The following LAMB3 variants were observed in gnomAD, a reference collection of about 807,000 sequenced individuals.
LAMB3 encodes the protein laminin subunit beta 3, also known as laminin subunit beta-3.
LAMB3 carries 104 observed loss-of-function variants against 140.3 expected under a neutral mutation model. That is an observed-to-expected ratio of 0.74 (90% CI 0.63 to 0.87). The LOEUF (loss-of-function observed/expected upper bound fraction) is 0.87, where lower values mean the gene tolerates loss of function less well. Among genes scored for constraint, LAMB3 ranks in the 40% least tolerant of loss-of-function variants. The pLI is 0.00. For synonymous variants in LAMB3, 592 were observed against 602.9 expected (o/e 0.98, Z 0.26); for missense variants, 1,531 against 1,575.2 (o/e 0.97, Z 0.47).
intron 3 of LAMB3, among the ~76,000 whole-genome samples, chr1:209,639,275 T>G (rs2076442343): frequency 6.6e-6 from 1 of 152,206 alleles, no homozygotes; most frequent in Non-Finnish European, 1.5e-5. Context: ...TGTGCCAGAC[T>G]CTACTCTGGG....
chr1:209,630,847 C>G, intron 8 of LAMB3, 112 bp from the exon 9 acceptor site: 1 of 1,239,152 alleles, frequency 8.1e-7, no homozygotes, highest in Non-Finnish European at 1.1e-6. Context: ...TGGCTTAGAT[C>G]CCAACCCTTC....
intron 18 of LAMB3, among the ~76,000 whole-genome samples, chr1:209,620,084 CT>C (rs1666132430): frequency 6.6e-6 from 1 of 152,336 alleles, no homozygotes; most frequent in East Asian, 1.9e-4. Context: ...AGATCTTGCC[CT>C]TCCTTTACTC....
At chr1:209,618,099 A>G (rs986884762) in intron 19 of LAMB3, 51 bp from the exon 20 acceptor site, 2 of 1,610,242 alleles carry the variant, frequency 1.2e-6, no homozygotes, top group Non-Finnish European at 1.7e-6. Flanking sequence ...GTGAACAGTG[A>G]ATCAATGTGT....
intron 3 of LAMB3, among the ~76,000 whole-genome samples, chr1:209,641,369 A>G (rs1357450890): frequency 1.3e-5 from 2 of 152,140 alleles, no homozygotes; most frequent in Non-Finnish European, 2.9e-5. Context: ...ATCTCACAAT[A>G]ACCCTACATG....
At chr1:209,627,115 C>CA (rs1488771016) in intron 12 of LAMB3, 137 bp from the exon 13 acceptor site, 7 of 766,946 alleles carry the variant, frequency 9.1e-6, no homozygotes, top group East Asian at 5.3e-5. Context: ...GCTGTGCCCA[C>CA]AAAACAAGGG....
chr1:209,648,425 C>G (rs1028006458), intron 3 of LAMB3, among the ~76,000 whole-genome samples: 3 of 152,126 alleles, frequency 2.0e-5, no homozygotes, highest in African/African-American at 7.2e-5. Context: ...AATTTATTCC[C>G]CCTTAGAAAA....
chr1:209,615,890 G>T (rs1458289755), intron 22 of LAMB3, among the ~76,000 whole-genome samples: 1 of 152,106 alleles, frequency 6.6e-6, no homozygotes, highest in Non-Finnish European at 1.5e-5. Context: ...CCAGGCACAG[G>T]GACAAGTCAT....
At chr1:209,648,635 G>T (rs182599837) in intron 3 of LAMB3, among the ~76,000 whole-genome samples, 35 of 152,216 alleles carry the variant, frequency 2.3e-4, no homozygotes, top group Non-Finnish European at 4.1e-4. Context: ...TAAGCCAAAA[G>T]CCCCAGGCCT....
At chr1:209,617,666 A>G in intron 20 of LAMB3, 80 bp from the exon 21 acceptor site, 16 of 1,529,860 alleles carry the variant, frequency 1.0e-5, no homozygotes, top group Non-Finnish European at 1.3e-5. Context: ...TCTCCAACTC[A>G]TCAGGCAGCA....
intron 5 of LAMB3, among the ~76,000 whole-genome samples, chr1:209,636,740 C>T (rs1666907181): frequency 6.6e-6 from 1 of 152,190 alleles, no homozygotes; most frequent in South Asian, 2.1e-4. Flanking sequence ...ATTGCCCTTC[C>T]CCTGGCCATT....
chr1:209,616,333 T>C (rs945590359), intron 22 of LAMB3, 138 bp downstream of exon 22: 3 of 985,516 alleles, frequency 3.0e-6, no homozygotes, highest in Non-Finnish European at 4.9e-6. Context: ...ACATGCTAGA[T>C]GCCCAGAAAA....
chr1:209,617,500 G>A lies in LAMB3; in HGVS notation c.3138C>T (p.Leu1046=). 6.2e-7 allele frequency: 1 copy of A among 1,614,038 alleles called. No homozygotes were observed. Among genetic ancestry groups the A allele is most frequent in the Non-Finnish European group, 8.5e-7 (1 of 1,180,030 alleles). ...CCCCCTGCTGCCGGGCTTGGTGGCGGAGCTCCTCCATCCGTGTCCAGAAGT... is the reference window on the plus strand; with the variant it reads ...CCCCCTGCTGCCGGGCTTGGTGGCGAAGCTCCTCCATCCGTGTCCAGAAGT... ...LGDFWTRMEE[L]RHQARQQGAE... The change falls in exon 21 of 23, where the codon CTC becomes CTT. Residue 1046 remains leucine, a synonymous_variant. Coordinates refer to ENST00000356082, the MANE Select transcript of LAMB3 (RefSeq NM_000228.3).
intron 8 of LAMB3, 86 bp from the exon 9 acceptor site, chr1:209,630,821 C>T (rs1047788811): frequency 5.4e-6 from 8 of 1,479,880 alleles, no homozygotes; most frequent in African/African-American, 2.8e-5. Flanking sequence ...TGACCCTCTG[C>T]GCACCACTCA....
rs1455138198 is a variant in LAMB3, at chr1:209,628,053, TG to T, written c.1269del (p.Asn424ThrfsTer86). 1 of 1,606,512 alleles carries T rather than the reference TG, an allele frequency of 6.2e-7. No individual in the cohort carries two copies. Among genetic ancestry groups the T allele is most frequent in the Non-Finnish European group, 8.5e-7 (1 of 1,176,338 alleles). On this transcript the variant is annotated frameshift_variant, in exon 11 of 23. Transcript: ENST00000356082. LOFTEE classifies it high-confidence loss of function. Reference protein sequence around the residue: ...CKPGFTGLTYANPQGCHRCDC... With the variant: ...CKPGFTGLTYXNPQGCHRCDC... ...TACTCACGGTGGCAGCCCTGCGGGTTGGCGTAGGTGAGTCCAGTGAAGCCCG... is the reference window on the plus strand; with the variant it reads ...TACTCACGGTGGCAGCCCTGCGGGTTGCGTAGGTGAGTCCAGTGAAGCCCG...
rs774188448 is a variant in LAMB3, at chr1:209,650,909, G to T, written c.28+8C>A. On this transcript the variant is annotated splice_region_variant and intron_variant, in intron 2 of 22. Coordinates refer to ENST00000356082, the MANE Select transcript of LAMB3 (RefSeq NM_000228.3). ...ACAGGGCCTGGAAGGATGGGAAGGG[G>T]TACTTACCAAAACACAAGAGGAAGA... The T allele has an allele frequency of 1.9e-6, 3 of 1,613,874 alleles. No individual in the cohort carries two copies. Among genetic ancestry groups the T allele is most frequent in the Non-Finnish European group, 2.5e-6 (3 of 1,179,756 alleles).
At chr1:209,647,987 A>G (rs577585945) in intron 3 of LAMB3, among the ~76,000 whole-genome samples, 1 of 152,298 alleles carries the variant, frequency 6.6e-6, no homozygotes, top group African/African-American at 2.4e-5. Flanking sequence ...CAGAATTAAA[A>G]CCTGAATTTC....
chr1:209,644,340 A>G (rs953762230), intron 3 of LAMB3, among the ~76,000 whole-genome samples: 6 of 152,232 alleles, frequency 3.9e-5, no homozygotes, highest in Non-Finnish European at 8.8e-5. Context: ...TCTGAAGCTG[A>G]TTATAGAGAT....
At chr1:209,617,259 G>C (rs1666001457) in intron 21 of LAMB3, 151 bp downstream of exon 21, 1 of 859,420 alleles carries the variant, frequency 1.2e-6, no homozygotes, top group African/African-American at 1.7e-5. Flanking sequence ...TCAGATGCCT[G>C]GCCAGGTTTG....
Position 209,623,635 on chromosome 1 carries a change from C to T in LAMB3, c.2228G>A (p.Arg743Lys), listed in dbSNP as rs1666297724. The T allele has an allele frequency of 1.9e-6, 3 of 1,614,112 alleles. No homozygotes were observed. In the Admixed American group the frequency reaches 5.0e-5, roughly 27 times the overall value. ...CCTCTCTGCCTCTCTCCGGCTGTCCCTGAGCTGGTCCAAAAGGCGCGAGCT... is the reference window on the plus strand; with the variant it reads ...CCTCTCTGCCTCTCTCCGGCTGTCCTTGAGCTGGTCCAAAAGGCGCGAGCT... ...SDSSRLLDQL[R>K]DSRREAERLV... The change falls in exon 16 of 23, where the codon AGG becomes AAG. Residue 743 changes from arginine to lysine, a missense_variant. By Grantham distance (26) the Arg-to-Lys change is conservative (BLOSUM62 2). Coordinates refer to ENST00000356082, the MANE Select transcript of LAMB3 (RefSeq NM_000228.3). The surrounding 1 kb of genome is among the most constrained non-coding windows in gnomAD (Gnocchi z 4.2).
Sources: gnomAD v4.1 joint callset for allele counts (sites outside exome capture counted in the v4.1 genomes callset) on GRCh38, gnomAD v4.1.1 for gene constraint, Gnocchi (gnomAD v3.1) non-coding constraint, MANE v1.5 for transcripts, NCBI Gene and HGNC (gene_info 2026-07-23, HGNC 2026-07-21) for gene names.